The following MAGI2 variants were observed in gnomAD, a reference collection of about 807,000 sequenced individuals.
MAGI2 encodes membrane associated guanylate kinase, WW and PDZ domain containing 2.
In MAGI2, 35 loss-of-function variants were observed where a neutral mutation model predicts 133.3. The observed-to-expected ratio is 0.26, with a 90% CI of 0.20 to 0.35. The LOEUF is 0.35. Ranked by LOEUF, MAGI2 falls within the 10% of genes least tolerant of loss-of-function variation. The probability of loss-of-function intolerance (pLI) is 1.00; values close to 1 mark genes in which losing one functional copy is unlikely to be tolerated. For missense variants in MAGI2, 1,636 were observed against 1,863.4 expected, an observed-to-expected ratio of 0.88 and a Z score of 2.25; for synonymous variants, 729 against 710.6, an observed-to-expected ratio of 1.03 and a Z score of -0.41.
intron 6 of MAGI2, among the ~76,000 whole-genome samples, chr7:78,476,623 A>G (rs890403764): frequency 2.0e-5 from 3 of 151,998 alleles, no homozygotes; most frequent in Non-Finnish European, 4.4e-5. Context: ...TAGTTTAGGT[A>G]TCAAAACACA....
chr7:78,560,735 T>C (rs528177394), intron 3 of MAGI2, among the ~76,000 whole-genome samples: 2 of 152,202 alleles, frequency 1.3e-5, no homozygotes, highest in Admixed American at 1.3e-4. Flanking sequence ...TAGCCTTTTG[T>C]CTGCTTTCTG....
At chr7:78,669,982 A>G (rs1343365485) in intron 2 of MAGI2, among the ~76,000 whole-genome samples, 2 of 151,636 alleles carry the variant, frequency 1.3e-5, no homozygotes, top group Admixed American at 6.6e-5. Flanking sequence ...ATGGGCAAAA[A>G]CTGGAAGCAT....
At chr7:78,274,548 T>TC (rs939201173) in intron 9 of MAGI2, among the ~76,000 whole-genome samples, 4 of 151,946 alleles carry the variant, frequency 2.6e-5, no homozygotes, top group African/African-American at 7.3e-5. Flanking sequence ...AACCGCCCCT[T>TC]CCCCCAAGTG....
chr7:78,633,243 GGGCGGAA>G (rs1490567977), intron 2 of MAGI2, among the ~76,000 whole-genome samples: 3 of 152,104 alleles, frequency 2.0e-5, no homozygotes, highest in African/African-American at 7.2e-5. Context: ...GTCTACTTGA[GGGCGGAA>G]GGCGGGAGGA....
rs189910021 is a variant in MAGI2, at chr7:78,965,653, C to A, written c.418+41437G>T. 5.3e-5 allele frequency among the ~76,000 whole-genome samples: 8 copies of A among 151,982 alleles called. No individual in the cohort carries two copies. The East Asian group carries it at 1.2e-3, about 22-fold the overall frequency. On this transcript the variant is annotated intron_variant, in intron 2 of 21. Coordinates refer to ENST00000354212, the MANE Select transcript of MAGI2 (RefSeq NM_012301.4). ...AGTTTACCAGAATATCAGAAACCAT[C>A]CCTTTTAGATTAGTTGAAGATATAT...
chr7:79,031,477 GT>G (rs1285108362), intron 1 of MAGI2, among the ~76,000 whole-genome samples: 1 of 152,088 alleles, frequency 6.6e-6, no homozygotes, highest in Non-Finnish European at 1.5e-5. Flanking sequence ...ATCACATTAT[GT>G]CTCAAAATAT....
chr7:78,536,354 C>T (rs1007206752), intron 3 of MAGI2, among the ~76,000 whole-genome samples: 1 of 151,572 alleles, frequency 6.6e-6, no homozygotes, highest in Non-Finnish European at 1.5e-5. Context: ...CCTCGTGATC[C>T]GCCCGCCTCG....
At chr7:78,901,673 T>C (rs1584335388) in intron 2 of MAGI2, among the ~76,000 whole-genome samples, 1 of 45,418 alleles carries the variant, frequency 2.2e-5, no homozygotes, top group Non-Finnish European at 4.5e-5. Context: ...TGAAATATAC[T>C]TTTTTTTTTT....
At chr7:78,608,961 G>A (rs544580465) in intron 3 of MAGI2, among the ~76,000 whole-genome samples, 3 of 152,308 alleles carry the variant, frequency 2.0e-5, no homozygotes, top group South Asian at 2.1e-4. Context: ...TAGACTGCAA[G>A]CTTGAGGATC....
At chr7:78,783,546 G>T (rs1043918471) in intron 2 of MAGI2, among the ~76,000 whole-genome samples, 1 of 152,184 alleles carries the variant, frequency 6.6e-6, no homozygotes. Context: ...TTTTAAATTG[G>T]TTTCTAGTGT....
intron 21 of MAGI2, among the ~76,000 whole-genome samples, chr7:78,072,047 G>A (rs1421689382): frequency 2.6e-5 from 4 of 152,160 alleles, no homozygotes; most frequent in Non-Finnish European, 4.4e-5. Context: ...GAGGTAACAC[G>A]TCCGGGCTCC....
chr7:78,084,982 G>T (rs1002621363), intron 20 of MAGI2, among the ~76,000 whole-genome samples: 6 of 152,180 alleles, frequency 3.9e-5, no homozygotes, highest in Non-Finnish European at 5.9e-5. Flanking sequence ...GATCGCGATT[G>T]AATTAGATGG....
intron 1 of MAGI2, among the ~76,000 whole-genome samples, chr7:79,214,824 T>C (rs903304720): frequency 6.9e-6 from 1 of 144,040 alleles, no homozygotes; most frequent in Non-Finnish European, 1.5e-5. Context: ...ATTATATTTA[T>C]AAATTATAAA....
chr7:78,770,864 C>A (rs531061584), intron 2 of MAGI2: 3 of 152,618 alleles, frequency 2.0e-5, no homozygotes, highest in African/African-American at 7.2e-5. Context: ...GAGCTCTGTT[C>A]AAAGGAAGCA....
chr7:78,745,007 C>T (rs370884937), intron 2 of MAGI2, among the ~76,000 whole-genome samples: 3 of 152,090 alleles, frequency 2.0e-5, no homozygotes, highest in East Asian at 3.9e-4. Flanking sequence ...AACATTAACA[C>T]GATTATTCAA....
intron 2 of MAGI2, among the ~76,000 whole-genome samples, chr7:78,734,985 C>A (rs1821709633): frequency 6.6e-6 from 1 of 152,152 alleles, no homozygotes; most frequent in South Asian, 2.1e-4. Context: ...CTAACTGATA[C>A]ATAACTTTTC....
chr7:79,418,400 C>T (rs2129177290), intron 1 of MAGI2, among the ~76,000 whole-genome samples: 1 of 152,130 alleles, frequency 6.6e-6, no homozygotes, highest in East Asian at 1.9e-4. Flanking sequence ...GGGGATAACT[C>T]TGGATGTTTA....
At chr7:78,417,374 C>CG (rs534089405) in intron 6 of MAGI2, among the ~76,000 whole-genome samples, 1 of 151,858 alleles carries the variant, frequency 6.6e-6, no homozygotes, top group Non-Finnish European at 1.5e-5. Context: ...TGTGGGAGGC[C>CG]GGGGGGAAGG....
intron 6 of MAGI2, among the ~76,000 whole-genome samples, chr7:78,372,220 A>G (rs899183418): frequency 2.0e-5 from 3 of 151,696 alleles, no homozygotes; most frequent in Admixed American, 6.6e-5. Context: ...TTCACTTGTA[A>G]AAAGACAAGT....
Sources: allele counts gnomAD v4.1 joint callset (sites outside exome capture counted in the v4.1 genomes callset), GRCh38; gene constraint gnomAD v4.1.1; transcripts MANE v1.5; gene names NCBI Gene and HGNC (gene_info 2026-07-23, HGNC 2026-07-21).